LRRC4C: variants seen among roughly 807,000 people sequenced by gnomAD.
LRRC4C encodes leucine rich repeat containing 4C, also known as leucine-rich repeat-containing protein 4C.
In LRRC4C, 5 loss-of-function variants were observed where a neutral mutation model predicts 33.6. That is an observed-to-expected ratio of 0.15 (90% confidence interval 0.08 to 0.31). The LOEUF is 0.31. LRRC4C is among the 10% of genes least tolerant of loss of function. The pLI is 1.00. For synonymous variants in LRRC4C, 329 were observed against 302.0 expected (o/e 1.09, Z -0.93); for missense variants, 560 against 796.7 (o/e 0.70, Z 3.58).
At chr11:40,480,634 AAAG>A (rs1953506250) in intron 3 of LRRC4C, among the ~76,000 whole-genome samples, 1 of 152,078 alleles carries the variant, frequency 6.6e-6, no homozygotes, top group Non-Finnish European at 1.5e-5. Context: ...AAACATCAAA[AAAG>A]AAAATATAGT....
At chr11:40,277,341 G>A (rs1235140762) in intron 4 of LRRC4C, among the ~76,000 whole-genome samples, 2 of 152,098 alleles carry the variant, frequency 1.3e-5, no homozygotes, top group East Asian at 3.9e-4. Context: ...TAAAATAAGT[G>A]ATGCATAAAA....
chr11:40,289,253 G>C (rs1944038560), intron 4 of LRRC4C, among the ~76,000 whole-genome samples: 1 of 152,072 alleles, frequency 6.6e-6, no homozygotes, highest in Admixed American at 6.5e-5. Flanking sequence ...GTTAATCCAA[G>C]TATAACCATA....
intron 2 of LRRC4C, among the ~76,000 whole-genome samples, chr11:40,727,300 A>C (rs1329951922): frequency 6.6e-6 from 1 of 152,204 alleles, no homozygotes; most frequent in Non-Finnish European, 1.5e-5. Context: ...AAAGCTGACA[A>C]AAATAAGCAA....
chr11:40,879,805 A>C (rs1197321607), intron 2 of LRRC4C, among the ~76,000 whole-genome samples: 1 of 152,182 alleles, frequency 6.6e-6, no homozygotes, highest in African/African-American at 2.4e-5. Context: ...ACATTATGTG[A>C]AAAGGCTCAA....
intron 1 of LRRC4C, among the ~76,000 whole-genome samples, chr11:40,971,400 G>A (rs1295401596): frequency 6.6e-6 from 1 of 152,192 alleles, no homozygotes; most frequent in Non-Finnish European, 1.5e-5. Flanking sequence ...CAAGCTGTAA[G>A]TCTGTTTGGC....
intron 1 of LRRC4C, among the ~76,000 whole-genome samples, chr11:41,269,442 G>A (rs1240452445): frequency 1.3e-5 from 2 of 151,984 alleles, no homozygotes; most frequent in Non-Finnish European, 2.9e-5. Context: ...AAAGGACAGA[G>A]AGAGAGAAGG....
intron 3 of LRRC4C, among the ~76,000 whole-genome samples, chr11:40,478,470 T>G (rs1953364708): frequency 6.6e-6 from 1 of 152,170 alleles, no homozygotes; most frequent in Non-Finnish European, 1.5e-5. Context: ...TGGAGATTAG[T>G]TTTTTAGGGT....
chr11:40,953,052 A>T (rs1294055068), intron 1 of LRRC4C, among the ~76,000 whole-genome samples: 1 of 151,902 alleles, frequency 6.6e-6, no homozygotes, highest in Non-Finnish European at 1.5e-5. Flanking sequence ...ATACAAATAT[A>T]CTAATAAAGA....
chr11:40,178,776 T>A (rs1237108149), intron 5 of LRRC4C, among the ~76,000 whole-genome samples: 1 of 152,162 alleles, frequency 6.6e-6, no homozygotes, highest in African/African-American at 2.4e-5. Flanking sequence ...TGGGGTTGGT[T>A]GGGCTCTCTC....
intron 1 of LRRC4C, among the ~76,000 whole-genome samples, chr11:41,412,169 C>A (rs1379826424): frequency 2.0e-5 from 3 of 152,056 alleles, no homozygotes; most frequent in African/African-American, 7.2e-5. Flanking sequence ...ACATTTATTT[C>A]TTGATTTAAC....
intron 1 of LRRC4C, among the ~76,000 whole-genome samples, chr11:41,243,817 A>T (rs1948346281): frequency 6.6e-6 from 1 of 152,124 alleles, no homozygotes; most frequent in Non-Finnish European, 1.5e-5. Context: ...ACCTTTGGTG[A>T]TATATAATAT....
intron 1 of LRRC4C, among the ~76,000 whole-genome samples, chr11:41,233,724 TA>T (rs1268755816): frequency 5.3e-5 from 8 of 152,048 alleles, no homozygotes; most frequent in African/African-American, 1.9e-4. Context: ...TCCACTCAGA[TA>T]TGAGAATATA....
intron 1 of LRRC4C, among the ~76,000 whole-genome samples, chr11:41,354,849 C>A (rs1183408152): frequency 6.6e-6 from 1 of 151,978 alleles, no homozygotes; most frequent in Admixed American, 6.6e-5. Context: ...AAAATCAACT[C>A]AAGATTGATT....
At position 40,537,200 on chromosome 11, in the gene LRRC4C, A is replaced by C. The variant is rs184811569; in HGVS notation, c.-270+110942T>G. On this transcript the variant is annotated intron_variant, in intron 3 of 6. Transcript: ENST00000528697. ...GTGAAGGGCTGGAATATTTCCTTTT[A>C]GGCTCTGTCTCCGTAAGAAAAGAGA... Among the ~76,000 whole-genome samples the C allele has an allele frequency of 1.8e-4, 28 of 152,336 alleles. 2 individuals are homozygous for C. Among genetic ancestry groups the C allele is most frequent in the Admixed American group, 1.8e-3 (27 of 15,296 alleles).
At chr11:41,081,381 AG>A (rs1939556267) in intron 1 of LRRC4C, among the ~76,000 whole-genome samples, 1 of 152,208 alleles carries the variant, frequency 6.6e-6, no homozygotes, top group African/African-American at 2.4e-5. Flanking sequence ...CTGAATAAAA[AG>A]GTCCCACAAA....
At chr11:40,549,842 T>C (rs1201624017) in intron 3 of LRRC4C, among the ~76,000 whole-genome samples, 1 of 145,026 alleles carries the variant, frequency 6.9e-6, no homozygotes, top group African/African-American at 2.7e-5. Flanking sequence ...TATTGCATTG[T>C]GCAATTGTAG....
chr11:40,121,527 G>A (rs1264885557), intron 6 of LRRC4C, among the ~76,000 whole-genome samples: 2 of 152,152 alleles, frequency 1.3e-5, no homozygotes, highest in East Asian at 3.9e-4. Flanking sequence ...TAATTTAAAA[G>A]TATGCACTAC....
intron 1 of LRRC4C, among the ~76,000 whole-genome samples, chr11:41,204,078 ATTT>A (rs759877700): frequency 6.6e-6 from 1 of 152,126 alleles, no homozygotes. Context: ...TTGAAATAAT[ATTT>A]TTGAGTGTCC....
At chr11:40,507,705 A>T (rs917308649) in intron 3 of LRRC4C, among the ~76,000 whole-genome samples, 1 of 151,976 alleles carries the variant, frequency 6.6e-6, no homozygotes, top group Non-Finnish European at 1.5e-5. Context: ...ACTGGAGAAA[A>T]ACATAAATCT....
Sources: gnomAD v4.1 joint callset for allele counts (sites outside exome capture counted in the v4.1 genomes callset) on GRCh38, gnomAD v4.1.1 for gene constraint, MANE v1.5 for transcripts, NCBI Gene and HGNC (gene_info 2026-07-23, HGNC 2026-07-21) for gene names.